Variants in IMMP2L observed in about 807,000 individuals in gnomAD.
The protein encoded by IMMP2L is mitochondrial inner membrane protease subunit 2.
Under a neutral mutation model 19.3 loss-of-function variants are expected in IMMP2L, and 18 were observed. That is an observed-to-expected ratio of 0.93 (90% CI 0.64 to 1.38). IMMP2L has a LOEUF of 1.38. IMMP2L is among the 40% of genes most tolerant of loss of function. The pLI is 0.00. For synonymous variants in IMMP2L, 76 were observed against 73.0 expected (o/e 1.04, Z -0.21); for missense variants, 233 against 218.2 (o/e 1.07, Z -0.43).
intron 3 of IMMP2L, chr7:111,124,880 T>C: frequency 6.3e-7 from 1 of 1,579,940 alleles, no homozygotes. Context: ...GTTATAGGTT[T>C]ACCAACAAAT....
intron 1 of IMMP2L, among the ~76,000 whole-genome samples, chr7:111,552,706 T>C (rs1790817267): frequency 6.6e-6 from 1 of 152,140 alleles, no homozygotes; most frequent in Admixed American, 6.6e-5. Flanking sequence ...GAGCCTACCC[T>C]CACAAGACAG....
At chr7:111,010,270 T>C (rs1018600957) in intron 3 of IMMP2L, among the ~76,000 whole-genome samples, 1 of 152,192 alleles carries the variant, frequency 6.6e-6, no homozygotes, top group Admixed American at 6.6e-5. Context: ...CATTAACAAA[T>C]GTTAAGAAAC....
At chr7:111,201,672 C>A (rs923211680) in intron 3 of IMMP2L, among the ~76,000 whole-genome samples, 5 of 150,766 alleles carry the variant, frequency 3.3e-5, no homozygotes, top group African/African-American at 9.8e-5. Flanking sequence ...GCTGAGATTG[C>A]GCCACTGCAC....
At chr7:111,408,170 T>C (rs1227904417) in intron 3 of IMMP2L, among the ~76,000 whole-genome samples, 2 of 152,062 alleles carry the variant, frequency 1.3e-5, no homozygotes, top group East Asian at 3.9e-4. Flanking sequence ...ACCATATGTG[T>C]ACATACATGG....
chr7:111,022,494 A>T (rs994932750), intron 3 of IMMP2L, among the ~76,000 whole-genome samples: 1 of 152,196 alleles, frequency 6.6e-6, no homozygotes, highest in African/African-American at 2.4e-5. Context: ...AAGAAGTGTT[A>T]GGAAAGGAGA....
intron 3 of IMMP2L, among the ~76,000 whole-genome samples, chr7:111,115,788 C>T (rs909020663): frequency 5.3e-5 from 8 of 152,074 alleles, no homozygotes; most frequent in Non-Finnish European, 1.0e-4. Flanking sequence ...GTGCCTCAGC[C>T]TCCCGAGTAG....
intron 3 of IMMP2L, among the ~76,000 whole-genome samples, chr7:111,314,324 A>G (rs1823822274): frequency 6.6e-6 from 1 of 152,146 alleles, no homozygotes; most frequent in East Asian, 1.9e-4. Context: ...ATGTCCTGGA[A>G]AGTAGAATTG....
chr7:110,715,311 T>G (rs1795166977), intron 5 of IMMP2L, among the ~76,000 whole-genome samples: 1 of 152,142 alleles, frequency 6.6e-6, no homozygotes, highest in Non-Finnish European at 1.5e-5. Context: ...TTGCTAGCTT[T>G]GGGGTTCGTT....
chr7:111,059,294 G>A (rs967950596), intron 3 of IMMP2L, among the ~76,000 whole-genome samples: 1 of 152,084 alleles, frequency 6.6e-6, no homozygotes, highest in African/African-American at 2.4e-5. Context: ...CTCGCATCTT[G>A]TCAATGGTAG....
In IMMP2L at chr7:110,890,973, A is replaced by G. The variant is rs139179469; in HGVS notation, c.306-4278T>C. Among the ~76,000 whole-genome samples the G allele has an allele frequency of 6.9e-4, 105 of 152,300 alleles. No homozygotes were observed. In the East Asian group the frequency reaches 0.014, roughly 21 times the overall value. ...CTTCTTAAAAGTATTTCCCAAATAC[A>G]TATACACACACACACTCTTAAGTAG... On this transcript the variant is annotated intron_variant, in intron 4 of 5. Coordinates refer to ENST00000405709, the MANE Select transcript of IMMP2L (RefSeq NM_032549.4).
At chr7:110,825,675 C>T (rs1317892906) in intron 5 of IMMP2L, among the ~76,000 whole-genome samples, 1 of 152,074 alleles carries the variant, frequency 6.6e-6, no homozygotes, top group East Asian at 1.9e-4. Flanking sequence ...ACACCTTATA[C>T]AAAAATTAAT....
At chr7:111,478,175 T>A (rs1169590514) in intron 3 of IMMP2L, among the ~76,000 whole-genome samples, 1 of 152,144 alleles carries the variant, frequency 6.6e-6, no homozygotes, top group Non-Finnish European at 1.5e-5. Flanking sequence ...CATTCTTTTA[T>A]TCCTCCCATG....
chr7:111,016,901 A>C (rs1381377073), intron 3 of IMMP2L, among the ~76,000 whole-genome samples: 20 of 89,938 alleles, frequency 2.2e-4, no homozygotes, highest in African/African-American at 7.5e-4. Flanking sequence ...AATATATATT[A>C]TATATAATTA....
chr7:110,862,500 G>A (rs550728870), intron 5 of IMMP2L, among the ~76,000 whole-genome samples: 2 of 151,144 alleles, frequency 1.3e-5, no homozygotes, highest in South Asian at 4.2e-4. Context: ...TCCCAGGCCC[G>A]GCTAATTTTT....
At chr7:110,939,291 T>C (rs1426235184) in intron 4 of IMMP2L, among the ~76,000 whole-genome samples, 2 of 151,884 alleles carry the variant, frequency 1.3e-5, no homozygotes, top group Admixed American at 6.6e-5. Flanking sequence ...CCAATTAAGT[T>C]GTTCTGAAGT....
At chr7:110,826,636 A>G (rs1435056374) in intron 5 of IMMP2L, among the ~76,000 whole-genome samples, 1 of 152,084 alleles carries the variant, frequency 6.6e-6, no homozygotes, top group African/African-American at 2.4e-5. Flanking sequence ...GAACTGAACA[A>G]TGAGAACACT....
At chr7:110,702,157 A>T (rs1353167125) in intron 5 of IMMP2L, among the ~76,000 whole-genome samples, 1 of 151,210 alleles carries the variant, frequency 6.6e-6, no homozygotes, top group Non-Finnish European at 1.5e-5. Context: ...CTGATCTCGA[A>T]CTCCTGGACT....
chr7:110,807,680 T>G (rs1263213309), intron 5 of IMMP2L, among the ~76,000 whole-genome samples: 1 of 152,072 alleles, frequency 6.6e-6, no homozygotes, highest in African/African-American at 2.4e-5. Context: ...TGATTACAAC[T>G]TTTTGTAAAG....
At chr7:110,972,476 A>G (rs1820242877) in intron 3 of IMMP2L, among the ~76,000 whole-genome samples, 1 of 152,102 alleles carries the variant, frequency 6.6e-6, no homozygotes, top group Non-Finnish European at 1.5e-5. Flanking sequence ...TCTGCTGGAT[A>G]AACTACATGG....
Sources: gnomAD v4.1 joint callset for allele counts (sites outside exome capture counted in the v4.1 genomes callset) on GRCh38, gnomAD v4.1.1 for gene constraint, MANE v1.5 for transcripts, NCBI Gene and HGNC (gene_info 2026-07-23, HGNC 2026-07-21) for gene names.